MEI4: variants seen among roughly 807,000 people sequenced by gnomAD.
MEI4 encodes meiotic double-stranded break formation protein 4, also known as meiosis-specific protein MEI4.
MEI4 carries 27 observed loss-of-function variants against 31.4 expected under a neutral mutation model. The observed-to-expected ratio is 0.86, with a 90% CI of 0.63 to 1.19. The LOEUF is 1.19. Among genes scored for constraint, MEI4 ranks in the 50% most tolerant of loss-of-function variants. The pLI is 0.00. For missense variants in MEI4, 329 were observed against 398.9 expected (o/e 0.82, Z 1.49); for synonymous variants, 122 against 145.4 (o/e 0.84, Z 1.16).
chr6:77,732,511 G>C (rs1203156171), intron 2 of MEI4, among the ~76,000 whole-genome samples: 1 of 151,314 alleles, frequency 6.6e-6, no homozygotes, highest in Non-Finnish European at 1.5e-5. Flanking sequence ...TTGCTTATCA[G>C]CTTAAGGAGA....
chr6:77,882,159 G>A (rs1771504032), intron 4 of MEI4, among the ~76,000 whole-genome samples: 1 of 152,130 alleles, frequency 6.6e-6, no homozygotes, highest in Non-Finnish European at 1.5e-5. Context: ...ATCAATATCT[G>A]CCAAATAAGA....
At chr6:77,854,780 A>T (rs1321864419) in intron 4 of MEI4, among the ~76,000 whole-genome samples, 1 of 152,096 alleles carries the variant, frequency 6.6e-6, no homozygotes, top group Non-Finnish European at 1.5e-5. Context: ...CAAGCTACAC[A>T]CTTGACTTAT....
chr6:77,797,985 T>G (rs1304705774), intron 3 of MEI4, among the ~76,000 whole-genome samples: 2 of 152,128 alleles, frequency 1.3e-5, no homozygotes, highest in Non-Finnish European at 2.9e-5. Context: ...AGCCTATGTA[T>G]GTTCGAATGA....
intron 2 of MEI4, among the ~76,000 whole-genome samples, chr6:77,740,206 T>G (rs1582085532): frequency 6.6e-6 from 1 of 151,930 alleles, no homozygotes; most frequent in Non-Finnish European, 1.5e-5. Flanking sequence ...TGCTGAGGAG[T>G]TTTTTATGTT....
At chr6:77,841,385 G>T (rs1201388871) in intron 4 of MEI4, among the ~76,000 whole-genome samples, 1 of 125,504 alleles carries the variant, frequency 8.0e-6, no homozygotes, top group African/African-American at 3.2e-5. Context: ...TGTCGCCCAG[G>T]CTGGAGTGCA....
chr6:77,809,167 A>G (rs1762656686), intron 3 of MEI4, among the ~76,000 whole-genome samples: 1 of 152,222 alleles, frequency 6.6e-6, no homozygotes, highest in African/African-American at 2.4e-5. Context: ...GAACATCTAC[A>G]TTGTGCCTAA....
chr6:77,722,537 CT>C (rs1766734435), intron 2 of MEI4, among the ~76,000 whole-genome samples: 2 of 151,038 alleles, frequency 1.3e-5, no homozygotes, highest in South Asian at 4.2e-4. Flanking sequence ...TCATTTTTCC[CT>C]AGTCCCTTTC....
chr6:77,786,423 T>A (rs1045462613), intron 3 of MEI4, among the ~76,000 whole-genome samples: 1 of 152,152 alleles, frequency 6.6e-6, no homozygotes, highest in African/African-American at 2.4e-5. Context: ...GGATCATGTA[T>A]GTCAAGAAAA....
At chr6:77,903,140 C>CTTTTTTTCTTTCT in intron 4 of MEI4, among the ~76,000 whole-genome samples, 1 of 152,110 alleles carries the variant, frequency 6.6e-6, no homozygotes, top group South Asian at 2.1e-4. Context: ...CTTTTATTTC[C>CTTTTTTTCTTTCT]TTTTTTTCTT....
At chr6:77,836,665 T>C (rs1582198824) in intron 4 of MEI4, among the ~76,000 whole-genome samples, 1 of 152,212 alleles carries the variant, frequency 6.6e-6, no homozygotes, top group East Asian at 1.9e-4. Context: ...AATAAGCATT[T>C]TTAATAAGAT....
chr6:77,732,152 C>T (rs991059136), intron 2 of MEI4, among the ~76,000 whole-genome samples: 1 of 151,228 alleles, frequency 6.6e-6, no homozygotes, highest in African/African-American at 2.4e-5. Context: ...TAGTTTTTTC[C>T]AATTCTGTGA....
At chr6:77,692,492 G>A (rs1769175685) in intron 2 of MEI4, among the ~76,000 whole-genome samples, 1 of 152,002 alleles carries the variant, frequency 6.6e-6, no homozygotes, top group South Asian at 2.1e-4. Flanking sequence ...CTATAGAGGT[G>A]ATTTGAGGCA....
chr6:77,832,436 A>G (rs1770106603), intron 4 of MEI4, among the ~76,000 whole-genome samples: 1 of 152,008 alleles, frequency 6.6e-6, no homozygotes, highest in South Asian at 2.1e-4. Flanking sequence ...TGTTTAATAA[A>G]GATTAATGGA....
chr6:77,867,670 G>T (rs1582234779), intron 4 of MEI4, among the ~76,000 whole-genome samples: 1 of 152,136 alleles, frequency 6.6e-6, no homozygotes, highest in African/African-American at 2.4e-5. Context: ...AATTCCTCAG[G>T]GGTCTAGAAC....
intron 3 of MEI4, among the ~76,000 whole-genome samples, chr6:77,799,812 A>G (rs1287818764): frequency 5.3e-5 from 8 of 152,104 alleles, no homozygotes; most frequent in Non-Finnish European, 8.8e-5. Flanking sequence ...GTAGATATGC[A>G]GTGTTATTTC....
intron 4 of MEI4, among the ~76,000 whole-genome samples, chr6:77,836,481 A>G (rs1210318470): frequency 6.6e-6 from 1 of 152,140 alleles, no homozygotes; most frequent in African/African-American, 2.4e-5. Context: ...TGCAGCCTAC[A>G]TCAGGAAGCA....
At chr6:77,773,145 C>A (rs139708446) in intron 3 of MEI4, among the ~76,000 whole-genome samples, 1 of 151,886 alleles carries the variant, frequency 6.6e-6, no homozygotes, top group Non-Finnish European at 1.5e-5. Flanking sequence ...TCATTGTAAT[C>A]GCTATCAAAA....
intron 4 of MEI4, among the ~76,000 whole-genome samples, chr6:77,862,253 G>A (rs1263123292): frequency 3.9e-5 from 6 of 152,164 alleles, no homozygotes; most frequent in African/African-American, 1.4e-4. Context: ...AGCGCACTGA[G>A]CATGAGCCGA....
chr6:77,747,719 C>T (rs1767652344), intron 2 of MEI4, among the ~76,000 whole-genome samples: 1 of 152,218 alleles, frequency 6.6e-6, no homozygotes, highest in Non-Finnish European at 1.5e-5. Context: ...TTTTAAAACA[C>T]AATCATCCCT....
Sources: allele counts gnomAD v4.1 joint callset (sites outside exome capture counted in the v4.1 genomes callset), GRCh38; gene constraint gnomAD v4.1.1; transcripts MANE v1.5; gene names NCBI Gene and HGNC (gene_info 2026-07-23, HGNC 2026-07-21).